The following SAMD12 variants were observed in gnomAD, a reference collection of about 807,000 sequenced individuals.
SAMD12 encodes sterile alpha motif domain containing 12, also known as sterile alpha motif domain-containing protein 12.
A neutral mutation model predicts 15.0 loss-of-function variants in SAMD12; 9 were observed. The observed-to-expected ratio is 0.60, with a 90% CI of 0.36 to 1.05. The LOEUF is 1.05. Among genes scored for constraint, SAMD12 ranks in the 50% least tolerant of loss-of-function variants. SAMD12 has a pLI of 0.01. For synonymous variants in SAMD12, 86 were observed against 90.1 expected (o/e 0.96, Z 0.25); for missense variants, 230 against 234.2 (o/e 0.98, Z 0.12).
At chr8:118,432,652 A>AAG (rs1822450513) in intron 3 of SAMD12, among the ~76,000 whole-genome samples, 1 of 152,206 alleles carries the variant, frequency 6.6e-6, no homozygotes, top group Non-Finnish European at 1.5e-5. Context: ...AACCCAGATG[A>AAG]AGAGAACTAA....
At chr8:118,566,104 T>G (rs1455083896) in intron 2 of SAMD12, among the ~76,000 whole-genome samples, 2 of 152,210 alleles carry the variant, frequency 1.3e-5, no homozygotes, top group African/African-American at 4.8e-5. Context: ...GATCTTCCAT[T>G]GCACTAGGTG....
intron 4 of SAMD12, among the ~76,000 whole-genome samples, chr8:118,345,326 T>C (rs1817580524): frequency 6.6e-6 from 1 of 152,198 alleles, no homozygotes; most frequent in Non-Finnish European, 1.5e-5. Context: ...ACTGCGATGC[T>C]CACACAATGA....
chr8:118,328,257 G>A (rs73323660), intron 4 of SAMD12, among the ~76,000 whole-genome samples: 4,175 of 152,152 alleles, frequency 0.027, 171 homozygotes, highest in African/African-American at 0.093. Context: ...TCCTTACTAT[G>A]TGCTTCTGCT....
intron 1 of SAMD12, 78 bp downstream of exon 1, chr8:118,621,726 G>A: frequency 3.3e-6 from 5 of 1,537,382 alleles, no homozygotes; most frequent in Non-Finnish European, 4.5e-6. Context: ...CCCCACGATC[G>A]CCAAGCTTCA....
intron 1 of SAMD12, among the ~76,000 whole-genome samples, chr8:118,615,312 C>T (rs559509891): frequency 6.6e-6 from 1 of 152,304 alleles, no homozygotes; most frequent in Admixed American, 6.5e-5. Context: ...CTCAGACCTC[C>T]CACGTCATGG....
intron 2 of SAMD12, among the ~76,000 whole-genome samples, chr8:118,513,471 C>T (rs1434614504): frequency 6.6e-6 from 1 of 152,154 alleles, no homozygotes; most frequent in Non-Finnish European, 1.5e-5. Context: ...CAGCCACCTA[C>T]CCTCCCAAAG....
chr8:118,276,115 CAG>C (rs1438640245), intron 4 of SAMD12, among the ~76,000 whole-genome samples: 4 of 152,178 alleles, frequency 2.6e-5, no homozygotes, highest in African/African-American at 9.7e-5. Context: ...ATGTCCCCCT[CAG>C]AGAAATAACT....
At chr8:118,266,967 T>A (rs1330228998) in intron 4 of SAMD12, among the ~76,000 whole-genome samples, 5 of 152,122 alleles carry the variant, frequency 3.3e-5, no homozygotes, top group Non-Finnish European at 5.9e-5. Context: ...TGGGAATTGC[T>A]AAGAAAGTAT....
intron 2 of SAMD12, among the ~76,000 whole-genome samples, chr8:118,531,372 AG>A (rs1825680798): frequency 6.6e-6 from 1 of 152,192 alleles, no homozygotes; most frequent in Admixed American, 6.5e-5. Context: ...TGATGCCTCC[AG>A]CTTTGTTCTT....
At chr8:118,305,852 T>G (rs1365235224) in intron 4 of SAMD12, among the ~76,000 whole-genome samples, 1 of 152,106 alleles carries the variant, frequency 6.6e-6, no homozygotes, top group Non-Finnish European at 1.5e-5. Flanking sequence ...TCCAGGTAGT[T>G]TTAGCCAATG....
intron 3 of SAMD12, among the ~76,000 whole-genome samples, chr8:118,380,718 G>A (rs759089626): frequency 6.6e-5 from 10 of 152,320 alleles, no homozygotes; most frequent in Admixed American, 2.0e-4. Context: ...GACGAATGAT[G>A]TCTTTAGGTA....
At chr8:118,188,298 G>C (rs1368435955), downstream of SAMD12, among the ~76,000 whole-genome samples, 2 of 152,138 alleles carry the variant, frequency 1.3e-5, no homozygotes, top group African/African-American at 4.8e-5. Flanking sequence ...GGGGGCTCTG[G>C]CTTTACCATC....
rs879643770 is a variant in SAMD12 at position 118,511,455 on chromosome 8, T to A, written c.192+69260A>T. Among the ~76,000 whole-genome samples the A allele has an allele frequency of 3.6e-3, 552 of 152,188 alleles. 4 individuals are homozygous for A. The highest frequency in any genetic ancestry group is 6.3e-3 in the Non-Finnish European group (431 of 67,994). On this transcript the variant is annotated intron_variant, in intron 2 of 3. Transcript: ENST00000314727. Reference sequence around the variant, plus strand: ...GAAACCTCTTGTTTTTGTTTTTGTTTTTTTTTTAAATGTACGTGAATAGAT... The same window carrying A: ...GAAACCTCTTGTTTTTGTTTTTGTTATTTTTTTAAATGTACGTGAATAGAT...
chr8:118,150,742 C>T, the SAMD12 span, among the ~76,000 whole-genome samples: 1 of 152,126 alleles, frequency 6.6e-6, no homozygotes, highest in Non-Finnish European at 1.5e-5. Context: ...TTTATATTTA[C>T]CAATTCCAAG....
intron 4 of SAMD12, among the ~76,000 whole-genome samples, chr8:118,316,768 C>T (rs1815929067): frequency 6.6e-6 from 1 of 151,698 alleles, no homozygotes; most frequent in South Asian, 2.1e-4. Context: ...AAATCCTAAC[C>T]CCCACAGGGT....
intron 3 of SAMD12, among the ~76,000 whole-genome samples, chr8:118,434,415 A>C: frequency 6.6e-6 from 1 of 152,200 alleles, no homozygotes; most frequent in South Asian, 2.1e-4. Flanking sequence ...CATTCAAAGC[A>C]GCTTTTAAAA....
chr8:118,499,827 C>T (rs1253263501), intron 2 of SAMD12, among the ~76,000 whole-genome samples: 1 of 152,108 alleles, frequency 6.6e-6, no homozygotes, highest in African/African-American at 2.4e-5. Flanking sequence ...GCTCACTTCC[C>T]CAACTTCTTA....
chr8:118,504,939 C>G (rs760096658), intron 2 of SAMD12, among the ~76,000 whole-genome samples: 1 of 152,164 alleles, frequency 6.6e-6, no homozygotes, highest in Non-Finnish European at 1.5e-5. Context: ...GCTGGTGTGA[C>G]TGGGGGATGT....
intron 2 of SAMD12, among the ~76,000 whole-genome samples, chr8:118,507,199 T>C (rs1478013568): frequency 6.6e-6 from 1 of 151,984 alleles, no homozygotes; most frequent in Non-Finnish European, 1.5e-5. Flanking sequence ...GCTTGTACAA[T>C]TTCCTCCACC....
Sources: gnomAD v4.1 joint callset for allele counts (sites outside exome capture counted in the v4.1 genomes callset) on GRCh38, gnomAD v4.1.1 for gene constraint, MANE v1.5 for transcripts, NCBI Gene and HGNC (gene_info 2026-07-23, HGNC 2026-07-21) for gene names.